Variants in DLGAP2 observed in about 807,000 individuals in gnomAD.
DLGAP2 encodes the protein disks large-associated protein 2.
Under a neutral mutation model 100.3 loss-of-function variants are expected in DLGAP2, and 26 were observed. The ratio of observed to expected loss-of-function variants is 0.26; its 90% confidence interval spans 0.19 to 0.36. The LOEUF is 0.36. DLGAP2 is among the 10% of genes least tolerant of loss of function. The pLI is 1.00. For missense variants in DLGAP2, 1,858 were observed against 1,453.2 expected (o/e 1.28, Z -4.53); for synonymous variants, 886 against 630.1 (o/e 1.41, Z -6.08).
intron 3 of DLGAP2, among the ~76,000 whole-genome samples, chr8:1,275,342 G>A (rs552115143): frequency 6.7e-6 from 1 of 149,182 alleles, no homozygotes; most frequent in South Asian, 2.1e-4. Flanking sequence ...TCTCTAGCTC[G>A]AGCAGGGAAT....
At chr8:938,219 C>A (rs1313936546) in intron 2 of DLGAP2, among the ~76,000 whole-genome samples, 4 of 152,080 alleles carry the variant, frequency 2.6e-5, no homozygotes, top group Non-Finnish European at 5.9e-5. Flanking sequence ...GGGTCTCTCT[C>A]TGTTGCCCAG....
At chr8:1,508,017 A>T (rs1417697198) in intron 4 of DLGAP2, among the ~76,000 whole-genome samples, 1 of 151,954 alleles carries the variant, frequency 6.6e-6, no homozygotes, top group Non-Finnish European at 1.5e-5. Context: ...CCTGAGGTGC[A>T]GGGGAGGGTC....
rs528725675 is a variant in DLGAP2, at chr8:859,022, TA to T, written c.19-48884del. 5.9e-5 allele frequency among the ~76,000 whole-genome samples: 9 copies of T among 152,288 alleles called. No homozygotes were observed. The East Asian group carries it at 1.3e-3, about 23-fold the overall frequency. On this transcript the variant is annotated intron_variant, in intron 1 of 14. Transcript: ENST00000637795. ...TGTGCTCAACTTTTCTGTAAGCCTA[TA>T]AAAAATAGTATTTTAATTAAAAAAT... is the stretch of plus-strand genomic sequence containing the variant.
chr8:936,688 C>T (rs1799080234), intron 2 of DLGAP2, among the ~76,000 whole-genome samples: 1 of 152,142 alleles, frequency 6.6e-6, no homozygotes, highest in African/African-American at 2.4e-5. Flanking sequence ...GCAAGGTCCT[C>T]TCTTTTTGTT....
At chr8:1,353,194 C>G (rs115254504) in intron 3 of DLGAP2, among the ~76,000 whole-genome samples, 2 of 152,310 alleles carry the variant, frequency 1.3e-5, no homozygotes, top group Admixed American at 6.5e-5. Flanking sequence ...TAAGGATGTC[C>G]TGCATTAGCT....
At chr8:1,676,986 G>T (rs1012862549) in intron 11 of DLGAP2, among the ~76,000 whole-genome samples, 2 of 152,158 alleles carry the variant, frequency 1.3e-5, no homozygotes, top group Non-Finnish European at 2.9e-5. Context: ...AGCAAAGCAC[G>T]TTCAAGGCCT....
intron 3 of DLGAP2, among the ~76,000 whole-genome samples, chr8:1,308,072 C>T (rs1248199854): frequency 6.6e-6 from 1 of 152,168 alleles, no homozygotes; most frequent in Non-Finnish European, 1.5e-5. Flanking sequence ...TGTGCATACA[C>T]CAGGTCAATG....
intron 6 of DLGAP2, among the ~76,000 whole-genome samples, chr8:1,574,467 C>T (rs149063122): frequency 3.3e-5 from 5 of 152,246 alleles, no homozygotes; most frequent in Non-Finnish European, 5.9e-5. Context: ...CTCAGTTTTA[C>T]GCGGCTAAAC....
chr8:796,781 TTC>T (rs1279569425), intron 1 of DLGAP2, among the ~76,000 whole-genome samples: 40 of 152,192 alleles, frequency 2.6e-4, no homozygotes, highest in African/African-American at 9.4e-4. Context: ...TGCCAGCTGT[TTC>T]TGCAGCTACA....
At chr8:1,347,511 T>C (rs1315331778) in intron 3 of DLGAP2, among the ~76,000 whole-genome samples, 1 of 150,600 alleles carries the variant, frequency 6.6e-6, no homozygotes, top group African/African-American at 2.4e-5. Flanking sequence ...ATTTCCCACA[T>C]AGAGCTACAT....
chr8:1,231,840 C>G (rs961297493), intron 2 of DLGAP2, among the ~76,000 whole-genome samples: 3 of 152,124 alleles, frequency 2.0e-5, no homozygotes, highest in African/African-American at 7.2e-5. Flanking sequence ...TGTTGGAAAA[C>G]TACTGGGTAC....
At chr8:1,457,325 C>G (rs2130137197) in intron 3 of DLGAP2, among the ~76,000 whole-genome samples, 1 of 152,250 alleles carries the variant, frequency 6.6e-6, no homozygotes, top group African/African-American at 2.4e-5. Context: ...AGAGAGAAAA[C>G]AAACGTCTCC....
chr8:1,355,565 A>C (rs544399235), intron 3 of DLGAP2, among the ~76,000 whole-genome samples: 6 of 152,106 alleles, frequency 3.9e-5, no homozygotes, highest in African/African-American at 1.4e-4. Flanking sequence ...GGGTTTCTCC[A>C]TGTTGGTCAG....
rs752829536 is a variant in DLGAP2, at chr8:1,605,467, T to C, written c.1443-21273T>C. On this transcript the variant is annotated intron_variant, in intron 6 of 14. Transcript: ENST00000637795. ...GGAAGCAGATGATCACAAGAGTCTC[T>C]GGTGAATGCGTGAATCCAGGGCTCT... is the stretch of plus-strand genomic sequence containing the variant. 4.1e-4 allele frequency among the ~76,000 whole-genome samples: 63 copies of C among 152,218 alleles called. 2 individuals are homozygous for C. The highest frequency in any genetic ancestry group is 2.0e-3 in the Admixed American group (30 of 15,278).
intron 2 of DLGAP2, among the ~76,000 whole-genome samples, chr8:994,303 C>G (rs975205912): frequency 2.0e-5 from 3 of 152,224 alleles, no homozygotes; most frequent in Admixed American, 2.0e-4. Flanking sequence ...CAGATTCAAG[C>G]GATTCTCCTG....
At chr8:984,931 A>C (rs942329457) in intron 2 of DLGAP2, among the ~76,000 whole-genome samples, 4 of 152,152 alleles carry the variant, frequency 2.6e-5, no homozygotes, top group Non-Finnish European at 4.4e-5. Flanking sequence ...TAGGCTCCTA[A>C]CCTCACCTCA....
intron 3 of DLGAP2, among the ~76,000 whole-genome samples, chr8:1,407,175 C>T (rs1191740410): frequency 2.1e-5 from 1 of 46,838 alleles, no homozygotes; most frequent in Non-Finnish European, 3.8e-5. Context: ...TGAGAGCTTA[C>T]TGAGCGCTCC....
intron 3 of DLGAP2, among the ~76,000 whole-genome samples, chr8:1,264,309 T>C (rs778490770): frequency 6.6e-6 from 1 of 152,048 alleles, no homozygotes; most frequent in Non-Finnish European, 1.5e-5. Context: ...GTCTGTGCCC[T>C]GTCAGGTAGG....
intron 3 of DLGAP2, among the ~76,000 whole-genome samples, chr8:1,340,228 T>G (rs1304232379): frequency 6.6e-6 from 1 of 152,100 alleles, no homozygotes; most frequent in Non-Finnish European, 1.5e-5. Flanking sequence ...AAGCAAAAAT[T>G]GACAAATGGG....
Sources: gnomAD v4.1 joint callset for allele counts (sites outside exome capture counted in the v4.1 genomes callset) on GRCh38, gnomAD v4.1.1 for gene constraint, MANE v1.5 for transcripts, NCBI Gene and HGNC (gene_info 2026-07-23, HGNC 2026-07-21) for gene names.